COL17A1: variants seen among roughly 807,000 people sequenced by gnomAD.
COL17A1 encodes the protein collagen type XVII alpha 1 chain.
Under a neutral mutation model 218.4 loss-of-function variants are expected in COL17A1, and 181 were observed. That is an observed-to-expected ratio of 0.83 (90% CI 0.73 to 0.94). COL17A1 has a LOEUF of 0.94. Ranked by LOEUF, COL17A1 falls within the 40% of genes least tolerant of loss-of-function variation. The pLI, the probability that COL17A1 is intolerant of heterozygous loss-of-function variation, is 0.00. For missense variants in COL17A1, 1,924 were observed against 1,945.9 expected, an observed-to-expected ratio of 0.99 and a Z score of 0.21; for synonymous variants, 721 against 731.0, an observed-to-expected ratio of 0.99 and a Z score of 0.22.
chr10:104,048,242 G>A, intron 29 of COL17A1, 138 bp from the exon 30 acceptor site: 1 of 857,468 alleles, frequency 1.2e-6, no homozygotes. Flanking sequence ...AGCCCTGTCT[G>A]TCACACTCTC....
intron 5 of COL17A1, among the ~76,000 whole-genome samples, chr10:104,075,996 A>G (rs1189688155): frequency 1.3e-5 from 2 of 152,262 alleles, no homozygotes; most frequent in Non-Finnish European, 2.9e-5. Flanking sequence ...CAGGTCCTGA[A>G]GACAAGATCT....
At chr10:104,033,625 CTT>C (rs1196735652) in intron 52 of COL17A1, among the ~76,000 whole-genome samples, 4 of 152,220 alleles carry the variant, frequency 2.6e-5, no homozygotes, top group South Asian at 2.1e-4. Context: ...GGAAAGGACT[CTT>C]AGCCAACATC....
intron 1 of COL17A1, among the ~76,000 whole-genome samples, chr10:104,081,298 G>A (rs1589580436): frequency 6.6e-6 from 1 of 152,160 alleles, no homozygotes; most frequent in Admixed American, 6.5e-5. Context: ...GCAGACATAA[G>A]TATGAAAAAC....
chr10:104,047,990 G>A lies in COL17A1; in HGVS notation c.2263+79C>T, dbSNP rs572423928. 8 of 1,560,748 alleles carry A rather than the reference G, an allele frequency of 5.1e-6. No individual in the cohort carries two copies. The Admixed American group carries it at 1.3e-4, about 26-fold the overall frequency. On this transcript the variant is annotated intron_variant, in intron 30 of 55. Coordinates refer to ENST00000648076, the MANE Select transcript of COL17A1 (RefSeq NM_000494.4). ...ATGCTATATGCTCCTCTGCACTATG[G>A]TTAAGGGGACTGAGGGCTGCATGCT...
intron 1 of COL17A1, among the ~76,000 whole-genome samples, chr10:104,080,896 T>C (rs926256667): frequency 4.6e-5 from 7 of 152,374 alleles, no homozygotes; most frequent in South Asian, 2.1e-4. Context: ...TCTATTTCTT[T>C]GTGCTGGGAT....
chr10:104,038,281 CT>C (rs2086322599), intron 45 of COL17A1, 124 bp downstream of exon 45: 1 of 1,080,164 alleles, frequency 9.3e-7, no homozygotes, highest in Non-Finnish European at 1.4e-6. Flanking sequence ...CACACACACA[CT>C]CCCACTGCCC....
chr10:104,065,642 C>T (rs2086620134), intron 9 of COL17A1, among the ~76,000 whole-genome samples: 2 of 152,230 alleles, frequency 1.3e-5, no homozygotes, highest in Admixed American at 6.5e-5. Context: ...CAGTATTCTT[C>T]ATTTGGGGGA....
In COL17A1 at chr10:104,034,236, T is replaced by G; in HGVS notation, c.3865A>C (p.Ser1289Arg). 6.2e-7 allele frequency: 1 copy of G among 1,611,502 alleles called. No individual in the cohort carries two copies. The highest frequency in any genetic ancestry group is 8.5e-7 in the Non-Finnish European group (1 of 1,179,586). Residue 1289 changes from serine (S) to arginine (R), a missense_variant, in exon 52 of 56, where the codon AGT becomes CGT. Physicochemically the swap from Ser to Arg is moderately radical, Grantham distance 110. Coordinates refer to ENST00000648076, the MANE Select transcript of COL17A1 (RefSeq NM_000494.4). ...TGTGAGGAGGAGCTGCTACCCCGAC[T>G]GTGGGAGGCATCCGTGGACAGGAGG... ...SRLLSTDASH[S>R]RGSSSSSHSS...
intron 39 of COL17A1, among the ~76,000 whole-genome samples, 189 bp from the exon 40 acceptor site, chr10:104,040,599 TAGGTGGATGGA>T (rs1564673673): frequency 2.8e-5 from 4 of 143,488 alleles, no homozygotes; most frequent in African/African-American, 1.0e-4. Context: ...GATGGATGGA[TAGGTGGATGGA>T]TGGATGGATG....
chr10:104,050,475 C>T (rs1009908612), intron 27 of COL17A1, 146 bp downstream of exon 27: 19 of 1,387,104 alleles, frequency 1.4e-5, no homozygotes, highest in Admixed American at 1.8e-5. Flanking sequence ...TTCTTTGTGC[C>T]TCAGTTTCCC....
chr10:104,046,942 A>T (rs1469218931), intron 31 of COL17A1, among the ~76,000 whole-genome samples, 169 bp from the exon 32 acceptor site: 1 of 152,184 alleles, frequency 6.6e-6, no homozygotes, highest in Non-Finnish European at 1.5e-5. Flanking sequence ...TCAGCTCTGG[A>T]TGGAGAGCAG....
intron 53 of COL17A1, 81 bp downstream of exon 53, chr10:104,033,157 A>G: frequency 6.5e-7 from 1 of 1,544,888 alleles, no homozygotes. Context: ...GAGATTTCTC[A>G]TGAGACTGGT....
rs767463154 is a variant in COL17A1, at chr10:104,073,279, A to G, written c.380-34T>C. 41 of 1,602,278 alleles carry G rather than the reference A, an allele frequency of 2.6e-5. No homozygotes were observed. In the African/African-American group the frequency reaches 3.8e-4, roughly 15 times the overall value. ...CAAAGAAATGCATTTTTAGGCATAT[A>G]TAAGAGGTGGCATGCTAAATACTTT... On this transcript the variant is annotated intron_variant, in intron 6 of 55. Coordinates refer to ENST00000648076, the MANE Select transcript of COL17A1 (RefSeq NM_000494.4).
intron 25 of COL17A1, 76 bp downstream of exon 25, chr10:104,051,405 A>G (rs2086467473): frequency 6.4e-7 from 1 of 1,564,586 alleles, no homozygotes; most frequent in Non-Finnish European, 8.8e-7. Context: ...TGGCTTTAAA[A>G]ATATTTGGTT....
intron 27 of COL17A1, 51 bp from the exon 28 acceptor site, chr10:104,050,175 A>T: frequency 6.2e-7 from 1 of 1,613,002 alleles, no homozygotes; most frequent in Non-Finnish European, 8.5e-7. Flanking sequence ...GAGCAAGGAA[A>T]ACACTCTCAC....
At chr10:104,082,120 G>A (rs2086769859) in intron 1 of COL17A1, among the ~76,000 whole-genome samples, 1 of 152,182 alleles carries the variant, frequency 6.6e-6, no homozygotes, top group Non-Finnish European at 1.5e-5. Flanking sequence ...TTGCTCGTTG[G>A]TGTTTTTCAA....
At chr10:104,059,427 A>G in intron 15 of COL17A1, 1 of 609,074 alleles carries the variant, frequency 1.6e-6, no homozygotes, top group Non-Finnish European at 3.0e-6. Context: ...AGTAATGCAA[A>G]TGCAAATCAC....
chr10:104,071,924 A>T, intron 8 of COL17A1, 108 bp downstream of exon 8: 1 of 1,518,802 alleles, frequency 6.6e-7, no homozygotes, highest in Non-Finnish European at 9.1e-7. Context: ...ATGTACATAC[A>T]TGTGTGTGCA....
chr10:104,059,793 C>T (rs914838911), intron 14 of COL17A1, 75 bp from the exon 15 acceptor site: 13 of 1,461,328 alleles, frequency 8.9e-6, no homozygotes, highest in African/African-American at 2.8e-5. Flanking sequence ...TCCCCCCGCC[C>T]TTGCCCACTA....
Sources: gnomAD v4.1 joint callset for allele counts (sites outside exome capture counted in the v4.1 genomes callset) on GRCh38, gnomAD v4.1.1 for gene constraint, MANE v1.5 for transcripts, NCBI Gene and HGNC (gene_info 2026-07-23, HGNC 2026-07-21) for gene names.